The following MAPK8IP3 variants were observed in gnomAD, a reference collection of about 807,000 sequenced individuals.
MAPK8IP3 encodes the protein C-Jun-amino-terminal kinase-interacting protein 3.
Under a neutral mutation model 157.8 loss-of-function variants are expected in MAPK8IP3, and 49 were observed. That is an observed-to-expected ratio of 0.31 (90% CI 0.25 to 0.39). The LOEUF (loss-of-function observed/expected upper bound fraction) is 0.39. Among genes scored for constraint, MAPK8IP3 ranks in the 10% least tolerant of loss-of-function variants. The pLI is 1.00. For synonymous variants in MAPK8IP3, 897 were observed against 777.7 expected (o/e 1.15, Z -2.55); for missense variants, 1,478 against 1,889.4 (o/e 0.78, Z 4.04).
In MAPK8IP3 at chr16:1,710,454, C is replaced by T. The variant is rs1177563454; in HGVS notation, c.318+3797C>T. On this transcript the variant is annotated intron_variant, in intron 1 of 31. Coordinates refer to ENST00000610761, the MANE Select transcript of MAPK8IP3 (RefSeq NM_001318852.2). This position sits in a 1 kb window ranked among gnomAD's most constrained non-coding sequence, Gnocchi z 4.1. ...TACCACTGCACTCCAGCCTGGGCAACAAGAGTGAGACTCTGTCTCAAAATA... is the reference window on the plus strand; with the variant it reads ...TACCACTGCACTCCAGCCTGGGCAATAAGAGTGAGACTCTGTCTCAAAATA... Among the ~76,000 whole-genome samples, 1 of 152,042 alleles carries T rather than the reference C, an allele frequency of 6.6e-6. No individual in the cohort carries two copies. The highest frequency in any genetic ancestry group is 1.9e-4 in the East Asian group (1 of 5,196).
At chr16:1,748,171 G>A (rs767401818) in intron 6 of MAPK8IP3, 73 bp from the exon 7 acceptor site, 107 of 1,167,846 alleles carry the variant, frequency 9.2e-5, no homozygotes, top group Non-Finnish European at 1.2e-4. Flanking sequence ...CTCAGGTTCC[G>A]AGGGCAGCCG....
At chr16:1,765,228 A>T (rs761553708) in intron 20 of MAPK8IP3, 50 bp downstream of exon 20, 2 of 1,537,024 alleles carry the variant, frequency 1.3e-6, no homozygotes, top group African/African-American at 2.7e-5. Flanking sequence ...CCCTTTTACT[A>T]GCAAGCTAAG....
At chr16:1,763,335 A>C (rs1373524915) in intron 16 of MAPK8IP3, among the ~76,000 whole-genome samples, 4 of 152,238 alleles carry the variant, frequency 2.6e-5, no homozygotes, top group African/African-American at 7.2e-5. Context: ...GTCGCTGGTC[A>C]TGCCTGTGCC....
intron 12 of MAPK8IP3, among the ~76,000 whole-genome samples, chr16:1,760,864 AGAG>A (rs1386930592): frequency 6.6e-6 from 1 of 152,180 alleles, no homozygotes; most frequent in Non-Finnish European, 1.5e-5. Flanking sequence ...TCTGATGGAC[AGAG>A]GAGGTGTGGG....
chr16:1,743,850 C>T lies in MAPK8IP3; in HGVS notation c.747+374C>T, dbSNP rs563745640. 3 of 1,110,372 alleles carry T rather than the reference C, an allele frequency of 2.7e-6. No individual in the cohort carries two copies. The highest frequency in any genetic ancestry group is 1.5e-4 in the East Asian group (2 of 13,132). The allele number at this position is 1,110,372 out of a possible 1,614,324, so 68.8% of individuals were successfully genotyped here. On this transcript the variant is annotated intron_variant, in intron 5 of 31. Transcript: ENST00000610761. The surrounding 1 kb of genome is among the most constrained non-coding windows in gnomAD (Gnocchi z 5.6). The stretch of plus-strand genomic sequence containing the variant: ...CATGCTCACCCGGGCTCCAGCCAGA[C>T]ACATCCTGCCCCTGAGAGCCACGCC...
intron 4 of MAPK8IP3, among the ~76,000 whole-genome samples, chr16:1,738,123 C>CAT (rs2040189809): frequency 1.4e-5 from 1 of 69,786 alleles, no homozygotes; most frequent in Non-Finnish European, 2.5e-5. Flanking sequence ...TCCGTGTGAG[C>CAT]GTGACTGTCC....
At chr16:1,728,276 C>A (rs1192141455) in intron 2 of MAPK8IP3, among the ~76,000 whole-genome samples, 2 of 152,220 alleles carry the variant, frequency 1.3e-5, no homozygotes, top group Non-Finnish European at 2.9e-5. Context: ...GACTGTCAGC[C>A]CAGAAGGCAC....
At chr16:1,762,290 G>A in intron 13 of MAPK8IP3, 61 bp from the exon 14 acceptor site, 1 of 1,508,364 alleles carries the variant, frequency 6.6e-7, no homozygotes, top group Non-Finnish European at 8.8e-7. Context: ...CACCCCAGGA[G>A]GAAGCAGGTG....
intron 4 of MAPK8IP3, among the ~76,000 whole-genome samples, chr16:1,735,439 ATCC>A (rs2039622244): frequency 7.5e-6 from 1 of 132,614 alleles, no homozygotes; most frequent in Admixed American, 7.7e-5. Flanking sequence ...CCGTGTGAGC[ATCC>A]GTGTGACCGT....
chr16:1,749,275 G>A (rs944016851), intron 8 of MAPK8IP3, among the ~76,000 whole-genome samples: 2 of 152,142 alleles, frequency 1.3e-5, no homozygotes, highest in South Asian at 2.1e-4. Flanking sequence ...AGAATGTTCC[G>A]CCATCCCTAA....
At position 1,765,291 on chromosome 16, in the gene MAPK8IP3, G is replaced by A. The variant is rs867712452; in HGVS notation, c.2446+113G>A. Reference sequence around the variant, plus strand: ...TTCTCGGGGTGTCCTGTGGACACGGGAATGTGGCAGTGGACGGTGGGAGGG... The same window carrying A: ...TTCTCGGGGTGTCCTGTGGACACGGAAATGTGGCAGTGGACGGTGGGAGGG... On this transcript the variant is annotated intron_variant, in intron 20 of 31. Coordinates refer to ENST00000610761, the MANE Select transcript of MAPK8IP3 (RefSeq NM_001318852.2). 215 of 1,261,082 alleles carry A rather than the reference G, an allele frequency of 1.7e-4. 2 individuals carry two copies. The South Asian group carries it at 3.0e-3, about 17-fold the overall frequency. 78.1% of individuals were successfully genotyped at this position (1,261,082 alleles called of 1,614,324 possible). A position where few individuals can be genotyped will look rare whatever the true frequency, so the allele number is the denominator to read the frequency against.
In MAPK8IP3 at chr16:1,763,641, T is replaced by A. The variant is rs1187363800; in HGVS notation, c.1899-16T>A. On this transcript the variant is annotated splice_polypyrimidine_tract_variant and intron_variant, in intron 16 of 31. Transcript: ENST00000610761. ...TCACCCTGGACAGAGACATCACCCA[T>A]CATTCTTCCACTCAGCGACTGCACG... 1.9e-6 allele frequency: 3 copies of A among 1,542,792 alleles called. No homozygotes were observed. The highest frequency in any genetic ancestry group is 2.6e-6 in the Non-Finnish European group (3 of 1,139,752).
At chr16:1,711,111 C>G (rs189027701) in intron 1 of MAPK8IP3, among the ~76,000 whole-genome samples, 10 of 152,368 alleles carry the variant, frequency 6.6e-5, no homozygotes, top group Admixed American at 3.9e-4. Context: ...ATTAAGATTT[C>G]TAAATGAAAT....
In MAPK8IP3 at chr16:1,706,694, C is replaced by T; in HGVS notation, c.318+37C>T. 1 of 1,503,890 alleles carries T rather than the reference C, an allele frequency of 6.6e-7. No individual in the cohort carries two copies. The highest frequency in any genetic ancestry group is 8.9e-7 in the Non-Finnish European group (1 of 1,127,376). 93.2% of individuals were successfully genotyped at this position (1,503,890 alleles called of 1,614,324 possible). A position where few individuals can be genotyped will look rare whatever the true frequency, so the allele number is the denominator to read the frequency against. Reference sequence around the variant, plus strand: ...GCGGGACCCGCCCGCATCCCCGTCCCGGACCCCCAGCCAGCCCCGGGCCCC... The same window carrying T: ...GCGGGACCCGCCCGCATCCCCGTCCTGGACCCCCAGCCAGCCCCGGGCCCC... On this transcript the variant is annotated intron_variant, in intron 1 of 31. Transcript: ENST00000610761. This position sits in a 1 kb window ranked among gnomAD's most constrained non-coding sequence, Gnocchi z 5.1.
In MAPK8IP3 at chr16:1,706,764, G is replaced by T; in HGVS notation, c.318+107G>T. The T allele has an allele frequency of 8.7e-7, 1 of 1,150,792 alleles. No individual in the cohort carries two copies. Among genetic ancestry groups the T allele is most frequent in the South Asian group, 1.7e-5 (1 of 58,964 alleles). The allele number at this position is 1,150,792 out of a possible 1,614,324, so 71.3% of individuals were successfully genotyped here. A position where few individuals can be genotyped will look rare whatever the true frequency, so the allele number is the denominator to read the frequency against. On this transcript the variant is annotated intron_variant, in intron 1 of 31. Coordinates refer to ENST00000610761, the MANE Select transcript of MAPK8IP3 (RefSeq NM_001318852.2). This position sits in a 1 kb window ranked among gnomAD's most constrained non-coding sequence, Gnocchi z 5.1. ...ACCCCAGACCCCGCTCCGGCACCCCGGACCGCGGGACCCCTGGACCCCCAG... is the reference window on the plus strand; with the variant it reads ...ACCCCAGACCCCGCTCCGGCACCCCTGACCGCGGGACCCCTGGACCCCCAG...
At chr16:1,748,819 G>C (rs2041125144) in intron 8 of MAPK8IP3, 99 bp downstream of exon 8, 1 of 1,092,786 alleles carries the variant, frequency 9.2e-7, no homozygotes, top group Middle Eastern at 2.0e-4. Context: ...TCTGTCAGCT[G>C]TGAGCTAGGA....
chr16:1,732,493 C>T (rs879796062), intron 4 of MAPK8IP3, among the ~76,000 whole-genome samples: 52 of 152,238 alleles, frequency 3.4e-4, no homozygotes, highest in African/African-American at 1.2e-3. Context: ...GCACGGTGTG[C>T]GCAAAGGCCC....
chr16:1,717,237 A>G (rs1259862297), intron 1 of MAPK8IP3, among the ~76,000 whole-genome samples: 1 of 144,880 alleles, frequency 6.9e-6, no homozygotes, highest in Non-Finnish European at 1.5e-5. Context: ...CTCCATCTCA[A>G]AAAAAAAAAA....
Position 1,762,743 on chromosome 16 carries a change from G to C in MAPK8IP3, c.1727+12G>C. ...ACCATCTGGCAGTTGTAAGCTGGGGGCCCCTGGGGGATGTGGGCAGCAGCT... is the reference window on the plus strand; with the variant it reads ...ACCATCTGGCAGTTGTAAGCTGGGGCCCCCTGGGGGATGTGGGCAGCAGCT... On this transcript the variant is annotated intron_variant, in intron 15 of 31. Transcript: ENST00000610761. 1 of 1,580,804 alleles carries C rather than the reference G, an allele frequency of 6.3e-7. No individual in the cohort carries two copies. The highest frequency in any genetic ancestry group is 1.1e-5 in the South Asian group (1 of 87,010).
Sources: gnomAD v4.1 joint callset for allele counts (sites outside exome capture counted in the v4.1 genomes callset) on GRCh38, gnomAD v4.1.1 for gene constraint, Gnocchi (gnomAD v3.1) non-coding constraint, MANE v1.5 for transcripts, NCBI Gene and HGNC (gene_info 2026-07-23, HGNC 2026-07-21) for gene names.